ENOSF1: variants seen among roughly 807,000 people sequenced by gnomAD.
The protein encoded by ENOSF1 is mitochondrial enolase superfamily member 1.
In ENOSF1, 73 loss-of-function variants were observed where a neutral mutation model predicts 68.2. The observed-to-expected ratio is 1.07, with a 90% CI of 0.89 to 1.30. ENOSF1 has a LOEUF of 1.30. ENOSF1 is among the 50% of genes most tolerant of loss of function. The pLI is 0.00. For missense variants in ENOSF1, 589 were observed against 554.5 expected (o/e 1.06, Z -0.62); for synonymous variants, 223 against 210.4 (o/e 1.06, Z -0.52).
At chr18:675,259 G>A (rs938440094) in intron 15 of ENOSF1, 62 bp downstream of exon 15, 7 of 1,288,294 alleles carry the variant, frequency 5.4e-6, no homozygotes, top group African/African-American at 4.4e-5. Context: ...TCTAGTTCAC[G>A]AGACAGGCGT....
intron 13 of ENOSF1, 46 bp from the exon 14 acceptor site, chr18:677,490 G>A: frequency 1.3e-6 from 2 of 1,542,766 alleles, no homozygotes; most frequent in Non-Finnish European, 1.8e-6. Flanking sequence ...AGGGCAGGGA[G>A]AGGAAGGGGT....
chr18:694,483 G>T (rs533708359), intron 3 of ENOSF1, 149 bp from the exon 4 acceptor site: 993 of 697,666 alleles, frequency 1.4e-3, no homozygotes, highest in Non-Finnish European at 2.1e-3. Flanking sequence ...ACAGAGAAAT[G>T]AGCCAGGTGT....
At chr18:700,543 A>T (rs2078226911) in intron 2 of ENOSF1, among the ~76,000 whole-genome samples, 1 of 152,046 alleles carries the variant, frequency 6.6e-6, no homozygotes, top group Non-Finnish European at 1.5e-5. Context: ...CAGTGTATGG[A>T]TTTTTCTTGC....
intron 12 of ENOSF1, 118 bp downstream of exon 12, chr18:678,578 T>C: frequency 1.0e-6 from 1 of 1,001,376 alleles, no homozygotes; most frequent in South Asian, 1.4e-5. Flanking sequence ...ATGATGAAAA[T>C]TTCCCAACTC....
At chr18:674,658 A>C (rs1403057681) in intron 15 of ENOSF1, among the ~76,000 whole-genome samples, 1 of 152,104 alleles carries the variant, frequency 6.6e-6, no homozygotes, top group Non-Finnish European at 1.5e-5. Context: ...AGCTGGGATC[A>C]CAGGCACCTG....
Position 690,542 on chromosome 18 carries a change from T to A in ENOSF1, c.618+7A>T. 1 of 1,614,172 alleles carries A rather than the reference T, an allele frequency of 6.2e-7. No homozygotes were observed. On this transcript the variant is annotated splice_region_variant and intron_variant, in intron 8 of 15. Coordinates refer to ENST00000647584, the MANE Select transcript of ENOSF1 (RefSeq NM_017512.7). ...AGCTGTCTACAAAGCCAGGTTAAAA[T>A]GCCCACCTGCTTCAACGTGTCATCT...
chr18:666,891 A>AGATGGTGATGGAGATGGAGATGGT (rs2074825939), downstream of ENOSF1, among the ~76,000 whole-genome samples: 5 of 62,144 alleles, frequency 8.0e-5, 1 homozygote, highest in South Asian at 1.9e-3. Context: ...AAAGTTCGGG[A>AGATGGTGATGGAGATGGAGATGGT]GATGGTGATG....
At position 712,624 on chromosome 18, in the gene ENOSF1, C is replaced by T. The variant is rs1406903014; in HGVS notation, c.-37G>A. On this transcript the variant is annotated 5_prime_UTR_variant, in exon 1 of 16. Coordinates refer to ENST00000647584, the MANE Select transcript of ENOSF1 (RefSeq NM_017512.7). Reference sequence around the variant, plus strand: ...CCCGTGGCCGCGGCCCCCGTGCGGTCAGGACTGGTCGGGATCCCGAGCGCG... The same window carrying T: ...CCCGTGGCCGCGGCCCCCGTGCGGTTAGGACTGGTCGGGATCCCGAGCGCG... 2 of 1,495,718 alleles carry T rather than the reference C, an allele frequency of 1.3e-6. No homozygotes were observed. The highest frequency in any genetic ancestry group is 2.3e-4 in the Middle Eastern group (1 of 4,272). 92.7% of individuals were successfully genotyped at this position (1,495,718 alleles called of 1,614,324 possible).
intron 11 of ENOSF1, 72 bp downstream of exon 11, chr18:683,174 G>T: frequency 1.3e-6 from 2 of 1,561,914 alleles, no homozygotes; most frequent in South Asian, 1.2e-5. Context: ...GAAATTTTAG[G>T]ATCTGTCCCC....
At chr18:685,557 G>A (rs2076537917) in intron 10 of ENOSF1, among the ~76,000 whole-genome samples, 1 of 152,132 alleles carries the variant, frequency 6.6e-6, no homozygotes, top group Non-Finnish European at 1.5e-5. Flanking sequence ...TATCTCAGCT[G>A]AAGTTCCAAC....
chr18:666,421 A>T (rs545314878), downstream of ENOSF1, among the ~76,000 whole-genome samples: 11 of 152,222 alleles, frequency 7.2e-5, no homozygotes, highest in African/African-American at 2.6e-4. Flanking sequence ...AAAGAATGAA[A>T]CATCTCACTC....
downstream of ENOSF1, among the ~76,000 whole-genome samples, chr18:670,143 A>G (rs1221900901): frequency 1.3e-5 from 2 of 151,608 alleles, no homozygotes; most frequent in East Asian, 2.0e-4. Flanking sequence ...TCCCAGGTTC[A>G]AGTGAGTTCC....
intron 2 of ENOSF1, among the ~76,000 whole-genome samples, chr18:699,422 G>A (rs1343426755): frequency 6.6e-6 from 1 of 152,036 alleles, no homozygotes; most frequent in Non-Finnish European, 1.5e-5. Context: ...AGGTTGCAGT[G>A]AGCTGAGATT....
chr18:700,817 C>T (rs2078258628), intron 2 of ENOSF1, among the ~76,000 whole-genome samples: 1 of 138,094 alleles, frequency 7.2e-6, no homozygotes, highest in Non-Finnish European at 1.5e-5. Flanking sequence ...ACCTGGGAGG[C>T]AGAGGTTGCA....
chr18:676,723 A>C (rs1481512284), intron 14 of ENOSF1, among the ~76,000 whole-genome samples: 4 of 152,222 alleles, frequency 2.6e-5, no homozygotes, highest in African/African-American at 9.6e-5. Flanking sequence ...ACCCCCCTGA[A>C]GAGAAAAACG....
At chr18:707,851 TTTATTATTA>T (rs142922567) in intron 1 of ENOSF1, among the ~76,000 whole-genome samples, 9 of 150,104 alleles carry the variant, frequency 6.0e-5, no homozygotes, top group East Asian at 2.0e-4. Flanking sequence ...TAAATAATGT[TTTATTATTA>T]TTATTATTAT....
Position 690,611 on chromosome 18 carries a change from C to T in ENOSF1, c.556G>A (p.Gly186Arg), listed in dbSNP as rs1449995982. The change falls in exon 8 of 16, where the codon GGA (glycine) becomes AGA (arginine). Residue 186 changes from glycine (G) to arginine (R), a missense_variant. Physicochemically the swap from Gly to Arg is moderately radical, Grantham distance 125. Coordinates refer to ENST00000647584, the MANE Select transcript of ENOSF1 (RefSeq NM_017512.7). ...KEREKQMLAQ[G>R]YPAYTTSCAW... Reference sequence around the variant, plus strand: ...CACGATGTCGTGTAAGCAGGGTATCCTTGTGCCAGCATTTGCTTCTCTGTG... The same window carrying T: ...CACGATGTCGTGTAAGCAGGGTATCTTTGTGCCAGCATTTGCTTCTCTGTG... 6.2e-7 allele frequency: 1 copy of T among 1,613,832 alleles called. No homozygotes were observed. Among genetic ancestry groups the T allele is most frequent in the African/African-American group, 1.3e-5 (1 of 74,854 alleles).
Position 671,710 on chromosome 18 carries a change from G to A in ENOSF1, c.*2595C>T. Reference sequence around the variant, plus strand: ...AGAGGGAAGAGCCACATTCAAGCCAGGGGATTGTCCAAAAGGGGGCATTTT... The same window carrying A: ...AGAGGGAAGAGCCACATTCAAGCCAAGGGATTGTCCAAAAGGGGGCATTTT... On this transcript the variant is annotated 3_prime_UTR_variant, in exon 16 of 16. Coordinates refer to ENST00000647584, the MANE Select transcript of ENOSF1 (RefSeq NM_017512.7). 1 of 500,554 alleles carries A rather than the reference G, an allele frequency of 2.0e-6. No individual in the cohort carries two copies. The highest frequency in any genetic ancestry group is 3.5e-6 in the Non-Finnish European group (1 of 286,744). The allele number at this position is 500,554 out of a possible 1,614,324, so 31.0% of individuals were successfully genotyped here.
At chr18:667,430 A>C (rs373913226), downstream of ENOSF1, among the ~76,000 whole-genome samples, 2 of 1,708 alleles carry the variant, frequency 1.2e-3, 1 homozygote, top group African/African-American at 5.7e-3. Context: ...ATGGTGATGG[A>C]GATGGTGATG....
Sources: gnomAD v4.1 joint callset for allele counts (sites outside exome capture counted in the v4.1 genomes callset) on GRCh38, gnomAD v4.1.1 for gene constraint, MANE v1.5 for transcripts, NCBI Gene and HGNC (gene_info 2026-07-23, HGNC 2026-07-21) for gene names.